The following ORC2 variants were observed in gnomAD, a reference collection of about 807,000 sequenced individuals.
ORC2 encodes the protein origin recognition complex protein 2 homolog.
Under a neutral mutation model 77.7 loss-of-function variants are expected in ORC2, and 37 were observed. The ratio of observed to expected loss-of-function variants is 0.48; its 90% CI spans 0.37 to 0.63. ORC2 has a LOEUF of 0.63. Ranked by LOEUF, ORC2 falls within the 20% of genes least tolerant of loss-of-function variation. The pLI is 0.00. For synonymous variants in ORC2, 201 were observed against 229.5 expected, an observed-to-expected ratio of 0.88 and a Z score of 1.12; for missense variants, 557 against 661.9, an observed-to-expected ratio of 0.84 and a Z score of 1.74.
chr2:200,928,573 G>T (rs1248393271), intron 11 of ORC2, among the ~76,000 whole-genome samples: 1 of 152,012 alleles, frequency 6.6e-6, no homozygotes, highest in Non-Finnish European at 1.5e-5. Context: ...CAGCACTTTG[G>T]GAGGCCGAGG....
chr2:200,962,414 AAAG>A (rs1468410138), intron 1 of ORC2, among the ~76,000 whole-genome samples: 2 of 152,356 alleles, frequency 1.3e-5, no homozygotes, highest in East Asian at 1.9e-4. Context: ...ATCCTTTGAA[AAAG>A]AAGGTTGGAT....
chr2:200,942,011 GA>G (rs750731375), intron 6 of ORC2, among the ~76,000 whole-genome samples: 3,036 of 139,774 alleles, frequency 0.022, 47 homozygotes, highest in Middle Eastern at 0.043. Flanking sequence ...CAAAAAAAAA[GA>G]AAAAAAAAAA....
In ORC2 at chr2:200,957,547, A is replaced by T. The variant is rs1002721749; in HGVS notation, c.95-3T>A. The T allele has an allele frequency of 1.9e-6, 3 of 1,583,118 alleles. No homozygotes were observed. The highest frequency in any genetic ancestry group is 1.7e-4 in the Middle Eastern group (1 of 5,934). On this transcript the variant is annotated splice_polypyrimidine_tract_variant and splice_region_variant and intron_variant, in intron 3 of 17. Transcript: ENST00000234296. ...TCGCTCCTTCTTCAATTTAGCTCCT[A>T]TAAGAACATCCAAAGAAATAGAGCA...
At position 200,911,273 on chromosome 2, in the gene ORC2, A is replaced by G. The variant is rs1194532657; in HGVS notation, c.*28T>C. On this transcript the variant is annotated 3_prime_UTR_variant, in exon 18 of 18. Transcript: ENST00000234296. ...GTGGCAGCTGGGGTACAACCCTTCC[A>G]TGGGAGATTCAAGAATAAAGGAAAG... 1 of 1,381,850 alleles carries G rather than the reference A, an allele frequency of 7.2e-7. No homozygotes were observed. Among genetic ancestry groups the G allele is most frequent in the Non-Finnish European group, 1.0e-6 (1 of 968,900 alleles). The allele number at this position is 1,381,850 out of a possible 1,614,324, so 85.6% of individuals were successfully genotyped here. A position where few individuals can be genotyped will look rare whatever the true frequency, so the allele number is the denominator to read the frequency against.
At chr2:200,925,397 G>GA (rs1344378162) in intron 13 of ORC2, among the ~76,000 whole-genome samples, 1 of 152,088 alleles carries the variant, frequency 6.6e-6, no homozygotes, top group Non-Finnish European at 1.5e-5. Context: ...AAAGTTCATA[G>GA]AAAAAGGACA....
intron 5 of ORC2, 105 bp from the exon 6 acceptor site, chr2:200,942,882 T>A (rs1463451781): frequency 3.6e-6 from 2 of 555,558 alleles, no homozygotes; most frequent in Admixed American, 7.2e-5. Context: ...CTCTGTTACT[T>A]TTATCAGAAA....
intron 1 of ORC2, 193 bp downstream of exon 1, chr2:200,963,297 C>G (rs1259614366): frequency 5.0e-6 from 2 of 396,208 alleles, no homozygotes; most frequent in Non-Finnish European, 8.9e-6. Flanking sequence ...GGTTCTCGAG[C>G]CCCCGGGCAG....
At chr2:200,925,166 TTC>T (rs1489084027) in intron 13 of ORC2, among the ~76,000 whole-genome samples, 1 of 152,130 alleles carries the variant, frequency 6.6e-6, no homozygotes, top group African/African-American at 2.4e-5. Context: ...CTGAAAATTA[TTC>T]TGAAATAAAT....
intron 7 of ORC2, 74 bp from the exon 8 acceptor site, chr2:200,938,040 A>G (rs1031040624): frequency 4.8e-6 from 5 of 1,050,216 alleles, no homozygotes; most frequent in Non-Finnish European, 7.1e-6. Context: ...GAGGCTAGAA[A>G]AAAAGAAAAA....
chr2:200,925,180 C>T (rs968331890), intron 13 of ORC2, among the ~76,000 whole-genome samples: 3 of 152,124 alleles, frequency 2.0e-5, no homozygotes, highest in East Asian at 1.9e-4. Context: ...GAAATAAATT[C>T]GCTGGGCTTG....
At chr2:200,913,573 A>G in intron 16 of ORC2, 160 bp from the exon 17 acceptor site, 1 of 1,331,302 alleles carries the variant, frequency 7.5e-7, no homozygotes, top group Non-Finnish European at 9.6e-7. Flanking sequence ...CAAGTAAGTC[A>G]TGAGAGCAGA....
At chr2:200,914,128 A>G (rs2040598340) in intron 15 of ORC2, 136 bp from the exon 16 acceptor site, 1 of 578,008 alleles carries the variant, frequency 1.7e-6, no homozygotes, top group Non-Finnish European at 3.0e-6. Flanking sequence ...AAGGAATATC[A>G]TATCCTTGCC....
rs555270447 is a variant in ORC2 at position 200,937,155 on chromosome 2, A to G, written c.514+751T>C. Among the ~76,000 whole-genome samples the G allele has an allele frequency of 1.6e-4, 24 of 152,286 alleles. 1 individual carries two copies. In the South Asian group the frequency reaches 5.0e-3, roughly 32 times the overall value. On this transcript the variant is annotated intron_variant, in intron 8 of 17. Transcript: ENST00000234296. The stretch of plus-strand genomic sequence containing the variant: ...ATGTATGCTTCCTCCATGTAGGTAT[A>G]TATGTTTTGTGGTGATTAAGAAGGA...
At position 200,911,166 on chromosome 2, in the gene ORC2, C is replaced by T. The variant is rs16835526; in HGVS notation, c.*135G>A. The T allele has an allele frequency of 2.5e-3, 1,525 of 608,546 alleles. 12 individuals are homozygous for T. Among genetic ancestry groups the T allele is most frequent in the African/African-American group, 0.025 (1,349 of 53,972 alleles). 37.7% of individuals were successfully genotyped at this position (608,546 alleles called of 1,614,324 possible). A position where few individuals can be genotyped will look rare whatever the true frequency, so the allele number is the denominator to read the frequency against. ...ATCAAAAAGTTCTAATTGAGGACAT[C>T]CCCCCCTTCCCAAATTTAAATCTTG... On this transcript the variant is annotated 3_prime_UTR_variant, in exon 18 of 18. Coordinates refer to ENST00000234296, the MANE Select transcript of ORC2 (RefSeq NM_006190.5).
Position 200,941,334 on chromosome 2 carries a change from T to C in ORC2, c.422-55A>G, listed in dbSNP as rs941580442. 1.3e-5 allele frequency: 20 copies of C among 1,514,522 alleles called. No homozygotes were observed. The African/African-American group carries it at 2.5e-4, about 19-fold the overall frequency. The allele number at this position is 1,514,522 out of a possible 1,614,324, so 93.8% of individuals were successfully genotyped here. ...ACTACGGACACTTCACTTTTCATTGTGGTCTAGTTTCATTAAAAGTAAAGT... is the reference window on the plus strand; with the variant it reads ...ACTACGGACACTTCACTTTTCATTGCGGTCTAGTTTCATTAAAAGTAAAGT... On this transcript the variant is annotated intron_variant, in intron 6 of 17. Coordinates refer to ENST00000234296, the MANE Select transcript of ORC2 (RefSeq NM_006190.5).
chr2:200,933,453 TA>T, intron 10 of ORC2, among the ~76,000 whole-genome samples: 1 of 152,130 alleles, frequency 6.6e-6, no homozygotes, highest in Non-Finnish European at 1.5e-5. Flanking sequence ...AGATAAATGG[TA>T]AATGGATATC....
intron 10 of ORC2, among the ~76,000 whole-genome samples, chr2:200,931,980 A>G (rs2040949023): frequency 6.6e-6 from 1 of 152,224 alleles, no homozygotes; most frequent in Non-Finnish European, 1.5e-5. Context: ...TCTAGCAAAA[A>G]GCTACACATG....
Position 200,910,044 on chromosome 2 carries a change from T to G in ORC2, c.*1257A>C, listed in dbSNP as rs2040524484. The G allele has an allele frequency of 6.6e-6, 1 of 152,210 alleles. No individual in the cohort carries two copies. The highest frequency in any genetic ancestry group is 2.4e-5 in the African/African-American group (1 of 41,450). 9.4% of individuals were successfully genotyped at this position (152,210 alleles called of 1,614,324 possible). On this transcript the variant is annotated 3_prime_UTR_variant, in exon 18 of 18. Transcript: ENST00000234296. ...TCCCAAAGTGTTGTGATTACAGGCA[T>G]AAGCCATTATGCCTGGCCAAAATTA...
At chr2:200,958,207 T>A in intron 2 of ORC2, 74 bp from the exon 3 acceptor site, 1 of 810,962 alleles carries the variant, frequency 1.2e-6, no homozygotes, top group Non-Finnish European at 2.2e-6. Context: ...ATTCACATAA[T>A]GAATACATGT....
Sources: allele counts gnomAD v4.1 joint callset (sites outside exome capture counted in the v4.1 genomes callset), GRCh38; gene constraint gnomAD v4.1.1; transcripts MANE v1.5; gene names NCBI Gene and HGNC (gene_info 2026-07-23, HGNC 2026-07-21).